The following GABBR2 variants were observed in gnomAD, a reference collection of about 807,000 sequenced individuals.
GABBR2 encodes the protein G-protein coupled receptor 51.
In GABBR2, 23 loss-of-function variants were observed where a neutral mutation model predicts 105.6. The observed-to-expected ratio is 0.22, with a 90% CI of 0.16 to 0.31. GABBR2 has a LOEUF of 0.31. Among genes scored for constraint, GABBR2 ranks in the 10% least tolerant of loss-of-function variants. The pLI, the probability that GABBR2 is intolerant of heterozygous loss-of-function variation, is 1.00. For missense variants in GABBR2, 734 were observed against 1,245.5 expected, an observed-to-expected ratio of 0.59 and a Z score of 6.18; for synonymous variants, 478 against 499.7, an observed-to-expected ratio of 0.96 and a Z score of 0.58.
In GABBR2 at chr9:98,288,632, T is replaced by C. The variant is rs1830237615; in HGVS notation, c.*1952A>G. ...TCCTTTAAATTAAATTTGGTTTTGG[T>C]GAAATCAAGAAAGCAAGTAAATACT... is the stretch of plus-strand genomic sequence containing the variant. On this transcript the variant is annotated 3_prime_UTR_variant, in exon 19 of 19. Coordinates refer to ENST00000259455, the MANE Select transcript of GABBR2 (RefSeq NM_005458.8). 6.6e-6 allele frequency: 1 copy of C among 152,586 alleles called. No homozygotes were observed. The highest frequency in any genetic ancestry group is 2.1e-4 in the South Asian group (1 of 4,828). 9.5% of individuals were successfully genotyped at this position (152,586 alleles called of 1,614,324 possible). A position where few individuals can be genotyped will look rare whatever the true frequency, so the allele number is the denominator to read the frequency against.
intron 1 of GABBR2, among the ~76,000 whole-genome samples, chr9:98,671,833 T>C (rs1027353399): frequency 3.3e-5 from 5 of 152,194 alleles, no homozygotes; most frequent in African/African-American, 1.2e-4. Flanking sequence ...CATGAGGTTG[T>C]GGTTAAGAGG....
chr9:98,405,138 G>A (rs1198563976), intron 8 of GABBR2, among the ~76,000 whole-genome samples: 1 of 152,182 alleles, frequency 6.6e-6, no homozygotes, highest in East Asian at 1.9e-4. Flanking sequence ...GGGGGATGGG[G>A]TGAGTCAAAA....
intron 13 of GABBR2, among the ~76,000 whole-genome samples, chr9:98,345,743 A>G (rs1831292767): frequency 6.6e-6 from 1 of 152,238 alleles, no homozygotes; most frequent in Non-Finnish European, 1.5e-5. Context: ...CTAACAGGTA[A>G]TTATAGCAAA....
At chr9:98,495,134 C>G (rs1395868408) in intron 4 of GABBR2, among the ~76,000 whole-genome samples, 1 of 152,250 alleles carries the variant, frequency 6.6e-6, no homozygotes, top group Non-Finnish European at 1.5e-5. Context: ...AGGCCCTTCC[C>G]TGACTACTGT....
chr9:98,687,040 T>G (rs1289049910), intron 1 of GABBR2, among the ~76,000 whole-genome samples: 1 of 152,056 alleles, frequency 6.6e-6, no homozygotes, highest in Non-Finnish European at 1.5e-5. Context: ...CTGCCCTGCC[T>G]CAACCCACAG....
chr9:98,637,288 G>A (rs924965282), intron 1 of GABBR2, among the ~76,000 whole-genome samples: 2 of 152,128 alleles, frequency 1.3e-5, no homozygotes, highest in Non-Finnish European at 2.9e-5. Flanking sequence ...GCTACTTTGG[G>A]AACCTTTAAC....
chr9:98,517,395 G>A (rs999988012), intron 3 of GABBR2, among the ~76,000 whole-genome samples: 1 of 152,126 alleles, frequency 6.6e-6, no homozygotes, highest in Admixed American at 6.5e-5. Flanking sequence ...TGGCGAAACT[G>A]ACCTTGAACA....
Position 98,409,761 on chromosome 9 carries a change from C to T in GABBR2, c.1237-3620G>A, listed in dbSNP as rs1380478053. On this transcript the variant is annotated intron_variant, in intron 7 of 18. Transcript: ENST00000259455. ...TGAAGGACCATGGAATCCCGAGGTC[C>T]CCTGGGATTGGCTGAGCTCATGATT... 3.3e-5 allele frequency among the ~76,000 whole-genome samples: 5 copies of T among 152,296 alleles called. 1 individual carries two copies. Among genetic ancestry groups the T allele is most frequent in the Admixed American group, 3.3e-4 (5 of 15,294 alleles).
intron 13 of GABBR2, among the ~76,000 whole-genome samples, chr9:98,336,273 G>T (rs1297295655): frequency 6.6e-6 from 1 of 152,220 alleles, no homozygotes; most frequent in East Asian, 1.9e-4. Context: ...ACTGGGGTGA[G>T]CACAGGGAGA....
At chr9:98,574,000 G>T (rs75220261) in intron 2 of GABBR2, among the ~76,000 whole-genome samples, 9 of 152,254 alleles carry the variant, frequency 5.9e-5, no homozygotes, top group Non-Finnish European at 1.0e-4. Flanking sequence ...TTTTTGAGCG[G>T]GGAATGGGCG....
intron 1 of GABBR2, among the ~76,000 whole-genome samples, chr9:98,617,134 C>T (rs1192700151): frequency 6.6e-6 from 1 of 152,184 alleles, no homozygotes; most frequent in African/African-American, 2.4e-5. Flanking sequence ...CAATCCACCA[C>T]GATAAATTCT....
At chr9:98,656,086 G>C (rs796487336) in intron 1 of GABBR2, among the ~76,000 whole-genome samples, 1 of 152,188 alleles carries the variant, frequency 6.6e-6, no homozygotes, top group African/African-American at 2.4e-5. Flanking sequence ...ATGGCTGCAG[G>C]GTATGGAAGG....
Position 98,549,079 on chromosome 9 carries a change from C to T in GABBR2, c.460-7036G>A, listed in dbSNP as rs1828440585. 1.7e-5 allele frequency among the ~76,000 whole-genome samples: 2 copies of T among 120,876 alleles called. 1 individual carries two copies. The allele number at this position is 120,876 out of a possible 152,430, so 79.3% of individuals were successfully genotyped here. The stretch of plus-strand genomic sequence containing the variant: ...CAGCCTCCCAAGCAGTGATTACAGG[C>T]ACCCACCACCATGCCCAGCTAATTT... On this transcript the variant is annotated intron_variant, in intron 2 of 18. Transcript: ENST00000259455.
chr9:98,335,855 T>C lies in GABBR2; in HGVS notation c.1894-24650A>G, dbSNP rs538973789. ...AGCTTGTCCATCATCCATTCATTCA[T>C]GCACGCATTCCTTTGTTCATTCATT... is the stretch of plus-strand genomic sequence containing the variant. On this transcript the variant is annotated intron_variant, in intron 13 of 18. Coordinates refer to ENST00000259455, the MANE Select transcript of GABBR2 (RefSeq NM_005458.8). 2.6e-5 allele frequency among the ~76,000 whole-genome samples: 4 copies of C among 152,316 alleles called. No individual in the cohort carries two copies. In the South Asian group the frequency reaches 8.3e-4, roughly 32 times the overall value.
intron 7 of GABBR2, among the ~76,000 whole-genome samples, chr9:98,426,049 A>G (rs570838315): frequency 6.6e-6 from 1 of 152,308 alleles, no homozygotes; most frequent in African/African-American, 2.4e-5. Flanking sequence ...CGGAGAGGAC[A>G]TACATAGGGC....
intron 13 of GABBR2, among the ~76,000 whole-genome samples, chr9:98,331,396 CTTTTTTTTT>C (rs142735341): frequency 2.6e-5 from 2 of 76,028 alleles, no homozygotes; most frequent in African/African-American, 5.5e-5. Context: ...AGTCCCTCTT[CTTTTTTTTT>C]TTTTTTTTTT....
At position 98,401,301 on chromosome 9, in the gene GABBR2, A is replaced by T. The variant is rs534519670; in HGVS notation, c.1297+4780T>A. Among the ~76,000 whole-genome samples, 12 of 152,322 alleles carry T rather than the reference A, an allele frequency of 7.9e-5. No individual in the cohort carries two copies. The South Asian group carries it at 1.9e-3, about 24-fold the overall frequency. ...TGCTTCAAGCCTATATACTTTCCAC[A>T]TGAGAGGGAATGAGTTCCCCATCAC... On this transcript the variant is annotated intron_variant, in intron 8 of 18. Coordinates refer to ENST00000259455, the MANE Select transcript of GABBR2 (RefSeq NM_005458.8).
intron 1 of GABBR2, among the ~76,000 whole-genome samples, chr9:98,648,518 G>A (rs1484229054): frequency 6.6e-6 from 1 of 152,114 alleles, no homozygotes; most frequent in Non-Finnish European, 1.5e-5. Context: ...CCGCTTTAAG[G>A]GAGGTATGAC....
intron 7 of GABBR2, among the ~76,000 whole-genome samples, chr9:98,427,371 G>A (rs182111123): frequency 9.7e-4 from 147 of 152,312 alleles, no homozygotes; most frequent in African/African-American, 3.3e-3. Context: ...GAATTCAAGA[G>A]TCACAGTTTC....
Sources: allele counts gnomAD v4.1 joint callset (sites outside exome capture counted in the v4.1 genomes callset), GRCh38; gene constraint gnomAD v4.1.1; transcripts MANE v1.5; gene names NCBI Gene and HGNC (gene_info 2026-07-23, HGNC 2026-07-21).